RBM33: variants seen among roughly 807,000 people sequenced by gnomAD.
RBM33 encodes RNA-binding protein 33.
RBM33 carries 28 observed loss-of-function variants against 132.6 expected under a neutral mutation model. That is an observed-to-expected ratio of 0.21 (90% CI 0.16 to 0.29). RBM33 has a LOEUF of 0.29. Among genes scored for constraint, RBM33 ranks in the 10% least tolerant of loss-of-function variants. The pLI is 1.00. For synonymous variants in RBM33, 634 were observed against 593.0 expected (o/e 1.07, Z -1.01); for missense variants, 1,291 against 1,518.5 (o/e 0.85, Z 2.49).
chr7:155,757,639 C>T (rs1801895453), intron 14 of RBM33, among the ~76,000 whole-genome samples: 2 of 152,164 alleles, frequency 1.3e-5, no homozygotes, highest in Non-Finnish European at 2.9e-5. Flanking sequence ...AATGAGGATA[C>T]TACTACTTAC....
At chr7:155,752,988 A>G (rs1368254578) in intron 14 of RBM33, among the ~76,000 whole-genome samples, 1 of 152,088 alleles carries the variant, frequency 6.6e-6, no homozygotes, top group African/African-American at 2.4e-5. Context: ...TGTGTCCAGG[A>G]TGTAAGGCAG....
intron 5 of RBM33, among the ~76,000 whole-genome samples, chr7:155,694,181 A>G (rs781779954): frequency 1.3e-5 from 2 of 152,200 alleles, no homozygotes; most frequent in African/African-American, 2.4e-5. Context: ...TTTTAATTGA[A>G]AAGCCTATTT....
At chr7:155,667,852 C>T (rs1395263196) in intron 2 of RBM33, among the ~76,000 whole-genome samples, 1 of 152,070 alleles carries the variant, frequency 6.6e-6, no homozygotes, top group Non-Finnish European at 1.5e-5. Context: ...TTTTTAGTTA[C>T]TAACAAGTTC....
intron 1 of RBM33, among the ~76,000 whole-genome samples, chr7:155,649,778 C>G (rs1798305138): frequency 6.6e-6 from 1 of 152,206 alleles, no homozygotes; most frequent in Non-Finnish European, 1.5e-5. Flanking sequence ...CCTCAAATGG[C>G]TGGAGCTGCA....
intron 14 of RBM33, 125 bp from the exon 15 acceptor site, chr7:155,763,687 T>C: frequency 2.4e-6 from 2 of 838,260 alleles, no homozygotes; most frequent in Non-Finnish European, 2.0e-6. Context: ...AAGTTTCGAG[T>C]CACACTTGTT....
chr7:155,718,527 C>CCGAA (rs1375841944), intron 9 of RBM33, 84 bp downstream of exon 9: 4 of 1,088,488 alleles, frequency 3.7e-6, no homozygotes, highest in Non-Finnish European at 5.6e-6. Context: ...GCAAGAGGTT[C>CCGAA]CAGCCAAATA....
At chr7:155,726,347 C>G (rs1800794341) in intron 9 of RBM33, among the ~76,000 whole-genome samples, 1 of 150,896 alleles carries the variant, frequency 6.6e-6, no homozygotes, top group Admixed American at 6.6e-5. Context: ...GCAATTTATG[C>G]AAAGTTTTTC....
At chr7:155,735,389 A>G (rs1408691847) in intron 9 of RBM33, among the ~76,000 whole-genome samples, 1 of 152,222 alleles carries the variant, frequency 6.6e-6, no homozygotes, top group Non-Finnish European at 1.5e-5. Context: ...GCATATTATT[A>G]GCAAAGTAAA....
At chr7:155,692,977 G>A (rs1799688049) in intron 5 of RBM33, among the ~76,000 whole-genome samples, 1 of 152,110 alleles carries the variant, frequency 6.6e-6, no homozygotes. Flanking sequence ...TGTTTGACTT[G>A]GAAAGGTGCT....
rs577800848 is a variant in RBM33, at chr7:155,686,710, A to G, written c.567+5802A>G. On this transcript the variant is annotated intron_variant, in intron 5 of 17. Coordinates refer to ENST00000401878, the MANE Select transcript of RBM33 (RefSeq NM_053043.3). ...TGTTCTCATTGTTCAGTTCCCACCT[A>G]TGAGTGAGAACATGCAGTGTTTGGT... 5.9e-5 allele frequency among the ~76,000 whole-genome samples: 9 copies of G among 151,998 alleles called. No individual in the cohort carries two copies. The South Asian group carries it at 1.2e-3, about 21-fold the overall frequency.
chr7:155,702,072 GAGGAGGGCAGGC>G (rs761375024), intron 6 of RBM33, among the ~76,000 whole-genome samples: 3 of 152,200 alleles, frequency 2.0e-5, no homozygotes, highest in Non-Finnish European at 4.4e-5. Flanking sequence ...TCCTTCCAAG[GAGGAGGGCAGGC>G]AGGAGGGCAG....
At chr7:155,734,324 C>T (rs1801046410) in intron 9 of RBM33, among the ~76,000 whole-genome samples, 1 of 152,178 alleles carries the variant, frequency 6.6e-6, no homozygotes, top group South Asian at 2.1e-4. Context: ...CAGCCCCATC[C>T]AAACTCTTAC....
intron 8 of RBM33, among the ~76,000 whole-genome samples, chr7:155,713,587 A>G (rs1008269651): frequency 2.6e-5 from 4 of 152,072 alleles, no homozygotes; most frequent in South Asian, 2.1e-4. Context: ...GCTGCTGCCA[A>G]TGGGTCAGTG....
chr7:155,691,026 T>C (rs1563145867), intron 5 of RBM33, among the ~76,000 whole-genome samples: 3 of 152,202 alleles, frequency 2.0e-5, no homozygotes, highest in Admixed American at 2.0e-4. Flanking sequence ...CCTTGCTAGA[T>C]TGGGGAAGCT....
chr7:155,657,768 AT>A (rs1394760769), intron 1 of RBM33, among the ~76,000 whole-genome samples: 1 of 152,220 alleles, frequency 6.6e-6, no homozygotes, highest in East Asian at 1.9e-4. Flanking sequence ...CACAAGCTAA[AT>A]TTTTAGCTTA....
At chr7:155,672,397 G>T (rs921680464) in intron 2 of RBM33, among the ~76,000 whole-genome samples, 4 of 152,130 alleles carry the variant, frequency 2.6e-5, no homozygotes, top group Non-Finnish European at 4.4e-5. Context: ...AATGTTCTCT[G>T]TGCATTTGAA....
At chr7:155,700,381 T>C (rs997815748) in intron 5 of RBM33, among the ~76,000 whole-genome samples, 1 of 152,162 alleles carries the variant, frequency 6.6e-6, no homozygotes, top group African/African-American at 2.4e-5. Context: ...AATAAACTCA[T>C]AGAACTTTAG....
In RBM33 at chr7:155,698,094, C is replaced by T. The variant is rs146673830; in HGVS notation, c.568-2679C>T. Reference sequence around the variant, plus strand: ...GTTAAAAATTATACAGAAGGCCAGGCGTGGTGGCTCAGGCCTGTAATCCCA... The same window carrying T: ...GTTAAAAATTATACAGAAGGCCAGGTGTGGTGGCTCAGGCCTGTAATCCCA... On this transcript the variant is annotated intron_variant, in intron 5 of 17. Coordinates refer to ENST00000401878, the MANE Select transcript of RBM33 (RefSeq NM_053043.3). Among the ~76,000 whole-genome samples, 201 of 152,228 alleles carry T rather than the reference C, an allele frequency of 1.3e-3. 4 individuals are homozygous for T. The highest frequency in any genetic ancestry group is 4.6e-3 in the African/African-American group (191 of 41,546).
chr7:155,781,454 C>T lies in RBM33; in HGVS notation c.*6413C>T, dbSNP rs535042721. 1 of 152,352 alleles carries T rather than the reference C, an allele frequency of 6.6e-6. No homozygotes were observed. The highest frequency in any genetic ancestry group is 2.1e-4 in the South Asian group (1 of 4,832). 9.4% of individuals were successfully genotyped at this position (152,352 alleles called of 1,614,324 possible). A position where few individuals can be genotyped will look rare whatever the true frequency, so the allele number is the denominator to read the frequency against. On this transcript the variant is annotated 3_prime_UTR_variant, in exon 18 of 18. Transcript: ENST00000401878. Reference sequence around the variant, plus strand: ...ACTATATTGTATGTAATTTGGAAGTCGTGTTAATAAAACCCTGCAGTTTCC... The same window carrying T: ...ACTATATTGTATGTAATTTGGAAGTTGTGTTAATAAAACCCTGCAGTTTCC...
Sources: allele counts gnomAD v4.1 joint callset (sites outside exome capture counted in the v4.1 genomes callset), GRCh38; gene constraint gnomAD v4.1.1; transcripts MANE v1.5; gene names NCBI Gene and HGNC (gene_info 2026-07-23, HGNC 2026-07-21).